JAG2: variants seen among roughly 807,000 people sequenced by gnomAD.
The protein encoded by JAG2 is jagged canonical Notch ligand 2, also known as protein jagged-2.
A neutral mutation model predicts 141.7 loss-of-function variants in JAG2; 46 were observed. The ratio of observed to expected loss-of-function variants is 0.32; its 90% CI spans 0.26 to 0.42. The LOEUF is 0.42. JAG2 is among the 10% of genes least tolerant of loss of function. The probability of loss-of-function intolerance (pLI) is 1.00; values close to 1 mark genes in which losing one functional copy is unlikely to be tolerated. For missense variants in JAG2, 1,500 were observed against 1,817.5 expected (o/e 0.83, Z 3.18); for synonymous variants, 862 against 763.5 (o/e 1.13, Z -2.13).
At chr14:105,156,538 C>T (rs1004372313) in intron 3 of JAG2, among the ~76,000 whole-genome samples, 1 of 152,198 alleles carries the variant, frequency 6.6e-6, no homozygotes, top group Non-Finnish European at 1.5e-5. Flanking sequence ...TCCCGTGACC[C>T]GCTGTCTAAG....
At position 105,142,181 on chromosome 14, in the gene JAG2, G is replaced by A. The variant is rs761739594; in HGVS notation, c.*514C>T. 3.1e-5 allele frequency: 5 copies of A among 160,268 alleles called. No individual in the cohort carries two copies. Among genetic ancestry groups the A allele is most frequent in the Non-Finnish European group, 1.4e-5 (1 of 73,516 alleles). The allele number at this position is 160,268 out of a possible 1,614,324, so 9.9% of individuals were successfully genotyped here. ...AATAACCAGGGTCCCACCGACCACC[G>A]TAGGTCCCACCGACAGCCACAGGTC... On this transcript the variant is annotated 3_prime_UTR_variant, in exon 26 of 26. Coordinates refer to ENST00000331782, the MANE Select transcript of JAG2 (RefSeq NM_002226.5).
At chr14:105,145,492 G>T (rs1157535138) in intron 23 of JAG2, among the ~76,000 whole-genome samples, 1 of 152,176 alleles carries the variant, frequency 6.6e-6, no homozygotes, top group Non-Finnish European at 1.5e-5. Flanking sequence ...AGGCCCTCAG[G>T]GCAGCTGGAC....
chr14:105,167,548 C>CT lies in JAG2; in HGVS notation c.417+208dup, dbSNP rs1324879978. On this transcript the variant is annotated intron_variant, in intron 2 of 25. Coordinates refer to ENST00000331782, the MANE Select transcript of JAG2 (RefSeq NM_002226.5). The surrounding 1 kb of genome is among the most constrained non-coding windows in gnomAD (Gnocchi z 4.8). ...CCGCCCCGCCCCCGCCGCGACCCCG[C>CT]TCCCGGTGGCCCCGGGGCCCCGGCG... 1.4e-5 allele frequency among the ~76,000 whole-genome samples: 2 copies of CT among 146,692 alleles called. No individual in the cohort carries two copies. The highest frequency in any genetic ancestry group is 2.5e-5 in the African/African-American group (1 of 40,162).
intron 2 of JAG2, among the ~76,000 whole-genome samples, chr14:105,166,411 C>T (rs1888911137): frequency 6.6e-6 from 1 of 152,258 alleles, no homozygotes; most frequent in South Asian, 2.1e-4. Flanking sequence ...TGCTGCACCG[C>T]CGTGGGGGCG....
intron 25 of JAG2, 70 bp from the exon 26 acceptor site, chr14:105,143,240 A>G: frequency 1.3e-6 from 2 of 1,514,516 alleles, no homozygotes; most frequent in Non-Finnish European, 1.8e-6. Flanking sequence ...CCACACACCC[A>G]GGCCTGGGAG....
rs369752703 is a variant in JAG2, at chr14:105,148,354, G to T, written c.2106C>A (p.Asp702Glu). 1.6e-5 allele frequency: 25 copies of T among 1,610,880 alleles called. No individual in the cohort carries two copies. The highest frequency in any genetic ancestry group is 2.0e-5 in the Non-Finnish European group (24 of 1,178,980). ...LVNDFYCACD[D>E]GWKGKTCHSR... ...AGTGGCAGGTCTTGCCCTTCCAGCCGTCGTCGCACGCACAGTAGAAGTCAT... is the reference window on the plus strand; with the variant it reads ...AGTGGCAGGTCTTGCCCTTCCAGCCTTCGTCGCACGCACAGTAGAAGTCAT... Residue 702 changes from aspartate (D) to glutamate (E), a missense_variant, in exon 16 of 26, where the codon GAC becomes GAA. Transcript: ENST00000331782.
At chr14:105,160,639 G>A (rs2140990743) in intron 2 of JAG2, among the ~76,000 whole-genome samples, 1 of 151,962 alleles carries the variant, frequency 6.6e-6, no homozygotes, top group East Asian at 2.0e-4. Flanking sequence ...GAGGCAGGCA[G>A]ATCACCTGAG....
At chr14:105,145,204 G>T in intron 23 of JAG2, 143 bp from the exon 24 acceptor site, 2 of 1,169,792 alleles carry the variant, frequency 1.7e-6, no homozygotes, top group Non-Finnish European at 2.4e-6. Context: ...GGCCTGGGGG[G>T]GCAGCTTCCC....
At position 105,147,513 on chromosome 14, in the gene JAG2, T is replaced by G; in HGVS notation, c.2380A>C (p.Asn794His). 6.2e-7 allele frequency: 1 copy of G among 1,612,324 alleles called. No homozygotes were observed. The highest frequency in any genetic ancestry group is 8.5e-7 in the Non-Finnish European group (1 of 1,179,512). Residue 794 changes from asparagine to histidine, a missense_variant, in exon 19 of 26, where the codon AAC (asparagine) becomes CAC (histidine). Physicochemically the swap from Asn to His is moderately conservative, Grantham distance 68. Coordinates refer to ENST00000331782, the MANE Select transcript of JAG2 (RefSeq NM_002226.5). Reference protein sequence around the residue: ...RTCTHNTNDCNPLPCYNGGIC... With the variant: ...RTCTHNTNDCHPLPCYNGGIC... The stretch of plus-strand genomic sequence containing the variant: ...GGTGCCACTCACCAAGGCAGAGGGT[T>G]GCAGTCGTTGGTATCTGGTTTGGGA...
At position 105,167,998 on chromosome 14, in the gene JAG2, G is replaced by A. The variant is rs761963948; in HGVS notation, c.176C>T (p.Ala59Val). ...CCDGDGRTTR[A>V]GGCGHDECDT... Reference sequence around the variant, plus strand: ...GCACTCGTCGTGGCCGCAGCCCCCCGCGCGCGTTGTCCGGCCGTCGCCGTC... The same window carrying A: ...GCACTCGTCGTGGCCGCAGCCCCCCACGCGCGTTGTCCGGCCGTCGCCGTC... Residue 59 changes from alanine (A) to valine (V), a missense_variant, in exon 2 of 26, where the codon GCG becomes GTG. Ala to Val is a moderately conservative substitution (Grantham distance 64). Around this residue, in one of 3 missense-constraint regions of JAG2, gnomAD observed 200 missense variants for 174.3 expected, o/e 1.15. Transcript: ENST00000331782. This position sits in a 1 kb window ranked among gnomAD's most constrained non-coding sequence, Gnocchi z 4.8. 2 of 1,601,244 alleles carry A rather than the reference G, an allele frequency of 1.2e-6. No individual in the cohort carries two copies. The highest frequency in any genetic ancestry group is 1.7e-5 in the Admixed American group (1 of 59,666).
chr14:105,166,706 C>T (rs587755623), intron 2 of JAG2, among the ~76,000 whole-genome samples: 21 of 152,354 alleles, frequency 1.4e-4, no homozygotes, highest in African/African-American at 5.1e-4. Flanking sequence ...GTGAGCTCGG[C>T]AGGGATTGCC....
In JAG2 at chr14:105,165,023, G is replaced by A. The variant is rs139971442; in HGVS notation, c.417+2734C>T. Among the ~76,000 whole-genome samples, 783 of 152,242 alleles carry A rather than the reference G, an allele frequency of 5.1e-3. 14 individuals carry two copies. The highest frequency in any genetic ancestry group is 0.018 in the African/African-American group (731 of 41,526). On this transcript the variant is annotated intron_variant, in intron 2 of 25. Transcript: ENST00000331782. ...GACCATGCTCCAGCCACACCACCCC[G>A]CACAGCTGCCCTGGAGCCCAGCACA...
At chr14:105,153,149 G>T (rs1653028158) in intron 5 of JAG2, among the ~76,000 whole-genome samples, 1 of 152,016 alleles carries the variant, frequency 6.6e-6, no homozygotes. Context: ...TGTCATCCAG[G>T]CCACGTCACT....
intron 7 of JAG2, 99 bp from the exon 8 acceptor site, chr14:105,151,838 G>A (rs1243132120): frequency 2.5e-6 from 4 of 1,604,376 alleles, no homozygotes; most frequent in East Asian, 2.2e-5. Context: ...TGGGGGTCAG[G>A]GGCCCACCAC....
At chr14:105,163,975 G>A (rs1456571307) in intron 2 of JAG2, among the ~76,000 whole-genome samples, 5 of 152,044 alleles carry the variant, frequency 3.3e-5, no homozygotes, top group Non-Finnish European at 7.4e-5. Context: ...GCCGAAGCCT[G>A]GCTCCACAAG....
rs1470308894 is a variant in JAG2, at chr14:105,154,354, C to T, written c.788+1208G>A. Among the ~76,000 whole-genome samples, 7 of 152,132 alleles carry T rather than the reference C, an allele frequency of 4.6e-5. No individual in the cohort carries two copies. The highest frequency in any genetic ancestry group is 8.8e-5 in the Non-Finnish European group (6 of 68,016). On this transcript the variant is annotated intron_variant, in intron 5 of 25. Coordinates refer to ENST00000331782, the MANE Select transcript of JAG2 (RefSeq NM_002226.5). This position sits in a 1 kb window ranked among gnomAD's most constrained non-coding sequence, Gnocchi z 4.4. ...TCCACCTGCTGTCTCTCCACCCGCT[C>T]GCGCCCCTCTCTCGGGCTCCCCAGC...
At chr14:105,159,486 G>A (rs1888668495) in intron 2 of JAG2, among the ~76,000 whole-genome samples, 1 of 151,872 alleles carries the variant, frequency 6.6e-6, no homozygotes, top group Non-Finnish European at 1.5e-5. Context: ...GAGGTCACCA[G>A]GGCCCGCAAA....
chr14:105,152,433 C>T, intron 5 of JAG2, 142 bp from the exon 6 acceptor site: 1 of 961,502 alleles, frequency 1.0e-6, no homozygotes, highest in Non-Finnish European at 1.6e-6. Flanking sequence ...CCCAGCCAGG[C>T]AGGGGTTGCA....
chr14:105,162,666 C>G (rs1888785552), intron 2 of JAG2, among the ~76,000 whole-genome samples: 1 of 147,136 alleles, frequency 6.8e-6, no homozygotes, highest in Non-Finnish European at 1.5e-5. Flanking sequence ...ACCTTAAAGC[C>G]CAGGACACCT....
Sources: gnomAD v4.1 joint callset for allele counts (sites outside exome capture counted in the v4.1 genomes callset) on GRCh38, gnomAD v4.1.1 for gene constraint, gnomAD v4.1.1 regional missense constraint, Gnocchi (gnomAD v3.1) non-coding constraint, MANE v1.5 for transcripts, NCBI Gene and HGNC (gene_info 2026-07-23, HGNC 2026-07-21) for gene names.